Variants in TRIP11 observed in about 807,000 individuals in gnomAD.
TRIP11 encodes thyroid hormone receptor interactor 11, also known as thyroid receptor-interacting protein 11.
In TRIP11, 148 loss-of-function variants were observed where a neutral mutation model predicts 223.1. That is an observed-to-expected ratio of 0.66 (90% CI 0.58 to 0.76). The LOEUF (loss-of-function observed/expected upper bound fraction) is 0.76. Ranked by LOEUF, TRIP11 falls within the 30% of genes least tolerant of loss-of-function variation. The probability of loss-of-function intolerance (pLI) is 0.00; values close to 1 mark genes in which losing one functional copy is unlikely to be tolerated. For missense variants in TRIP11, 2,043 were observed against 2,222.0 expected (o/e 0.92, Z 1.62); for synonymous variants, 762 against 772.6 (o/e 0.99, Z 0.23).
intron 9 of TRIP11, 23 bp downstream of exon 9, chr14:92,010,963 G>A (rs764144180): frequency 6.2e-7 from 1 of 1,606,152 alleles, no homozygotes; most frequent in South Asian, 1.1e-5. Flanking sequence ...TTTTAATTCT[G>A]CCCCCATTTT....
chr14:92,013,814 A>C (rs1334347638), intron 7 of TRIP11, among the ~76,000 whole-genome samples: 3 of 152,232 alleles, frequency 2.0e-5, no homozygotes, highest in Non-Finnish European at 4.4e-5. Context: ...TCTGTAACAC[A>C]GAATACTGGT....
At chr14:91,996,162 C>T (rs2056748487) in intron 13 of TRIP11, among the ~76,000 whole-genome samples, 1 of 152,196 alleles carries the variant, frequency 6.6e-6, no homozygotes. Context: ...ATTCCCCTTT[C>T]CCTTGAAAAC....
At chr14:91,981,392 TTTG>T (rs139777725) in intron 16 of TRIP11, among the ~76,000 whole-genome samples, 23,906 of 151,654 alleles carry the variant, frequency 0.16, 2,478 homozygotes, top group African/African-American at 0.3. Flanking sequence ...TTTTGTCTTT[TTTG>T]TTGTTGTTTT....
At chr14:92,010,167 T>G (rs1401849292) in intron 9 of TRIP11, among the ~76,000 whole-genome samples, 1 of 152,244 alleles carries the variant, frequency 6.6e-6, no homozygotes, top group African/African-American at 2.4e-5. Flanking sequence ...ATCTTATTCC[T>G]TCCTTGCTAT....
chr14:92,014,243 T>C lies in TRIP11; in HGVS notation c.1158A>G (p.Glu386=). ...RILAQSASVE[E]VFRLQQALSD... ...ACAGTGCTTGTTGTAGTCTGAACACTTCTTCCACTGATGCACTCTGGGCAA... is the reference window on the plus strand; with the variant it reads ...ACAGTGCTTGTTGTAGTCTGAACACCTCTTCCACTGATGCACTCTGGGCAA... Residue 386 remains glutamate (E), a synonymous_variant, in exon 7 of 21, where the codon GAA becomes GAG. Transcript: ENST00000267622. The C allele has an allele frequency of 6.2e-7, 1 of 1,614,070 alleles. No individual in the cohort carries two copies. The highest frequency in any genetic ancestry group is 8.5e-7 in the Non-Finnish European group (1 of 1,179,988).
chr14:92,002,034 T>C (rs968769426), intron 11 of TRIP11, among the ~76,000 whole-genome samples: 2 of 152,214 alleles, frequency 1.3e-5, no homozygotes, highest in Non-Finnish European at 2.9e-5. Flanking sequence ...TGGCAGCAAG[T>C]AATGCTCAAG....
In TRIP11 at chr14:92,000,034, C is replaced by T; in HGVS notation, c.4632G>A (p.Gln1544=). 1 of 1,613,938 alleles carries T rather than the reference C, an allele frequency of 6.2e-7. No individual in the cohort carries two copies. Among genetic ancestry groups the T allele is most frequent in the Non-Finnish European group, 8.5e-7 (1 of 1,179,938 alleles). ...GGGCCAACATGACTTGGTCTCTCTC[C>T]TGTTGAAACACAACTGTCTTCTCCT... ...SMQEKTVVFQ[Q]ERDQVMLALK... The change falls in exon 12 of 21, where the codon CAG becomes CAA. Residue 1544 remains glutamine, a synonymous_variant. Transcript: ENST00000267622.
chr14:92,011,061 A>G lies in TRIP11; in HGVS notation c.1239T>C (p.Leu413=), dbSNP rs752708867. Residue 413 remains leucine (L), a synonymous_variant, in exon 9 of 21, where the codon CTT becomes CTC. Coordinates refer to ENST00000267622, the MANE Select transcript of TRIP11 (RefSeq NM_004239.4). The part of the protein sequence containing the change: ...RLSSLNQDNS[L]AEDNLKLKMR... ...TTTTAAGTTTCAGATTGTCTTCAGC[A>G]AGACTGTTATCCTACAAAAATGTTA... 4.3e-6 allele frequency: 7 copies of G among 1,614,046 alleles called. No individual in the cohort carries two copies. The highest frequency in any genetic ancestry group is 5.9e-6 in the Non-Finnish European group (7 of 1,179,960).
chr14:92,021,674 A>G lies in TRIP11; in HGVS notation c.470T>C (p.Phe157Ser). The G allele has an allele frequency of 6.2e-7, 1 of 1,614,204 alleles. No individual in the cohort carries two copies. Among genetic ancestry groups the G allele is most frequent in the Non-Finnish European group, 8.5e-7 (1 of 1,180,032 alleles). Residue 157 changes from phenylalanine to serine, a missense_variant, in exon 4 of 21, where the codon TTC becomes TCC. Physicochemically the swap from Phe to Ser is radical, Grantham distance 155. Transcript: ENST00000267622. ...AYGISHHPSAFHDDDMDFGDI... is the reference protein window; with the variant it reads ...AYGISHHPSASHDDDMDFGDI... ...ACCAAAGTCCATGTCATCGTCATGGAAAGCTGAAGGATGATGACTAATCCC... is the reference window on the plus strand; with the variant it reads ...ACCAAAGTCCATGTCATCGTCATGGGAAGCTGAAGGATGATGACTAATCCC...
chr14:92,008,338 G>GCC (rs2056930603), intron 9 of TRIP11, among the ~76,000 whole-genome samples: 1 of 152,122 alleles, frequency 6.6e-6, no homozygotes. Flanking sequence ...CAAATGTTTA[G>GCC]CCTCTCTAAT....
intron 4 of TRIP11, among the ~76,000 whole-genome samples, chr14:92,018,690 T>C (rs931299453): frequency 6.6e-6 from 1 of 152,154 alleles, no homozygotes; most frequent in Non-Finnish European, 1.5e-5. Flanking sequence ...CTGGGCACAG[T>C]GGCTCATGCC....
chr14:92,021,877 T>C, intron 3 of TRIP11, 46 bp from the exon 4 acceptor site: 1 of 1,587,586 alleles, frequency 6.3e-7, no homozygotes, highest in Non-Finnish European at 8.6e-7. Flanking sequence ...TTTAAAACAA[T>C]CATATTGACT....
rs149902706 is a variant in TRIP11, at chr14:92,005,620, C to G, written c.2356G>C (p.Asp786His). ...AELKKNIEQM[D>H]TDHKETKDVL... ...TCCTTAGTTTCTTTATGGTCAGTAT[C>G]CATTTGTTCAATATTCTTTTTGAGT... Residue 786 changes from aspartate to histidine, a missense_variant, in exon 11 of 21, where the codon GAT becomes CAT. Physicochemically the swap from Asp to His is moderately conservative, Grantham distance 81. Transcript: ENST00000267622. 41 of 1,613,820 alleles carry G rather than the reference C, an allele frequency of 2.5e-5. No individual in the cohort carries two copies. Among genetic ancestry groups the G allele is most frequent in the Non-Finnish European group, 2.9e-5 (34 of 1,180,022 alleles).
chr14:92,031,001 G>A (rs1438153652), intron 2 of TRIP11, among the ~76,000 whole-genome samples: 1 of 151,830 alleles, frequency 6.6e-6, no homozygotes, highest in African/African-American at 2.4e-5. Flanking sequence ...TGTAATCCCA[G>A]CACTTTCAGA....
chr14:91,973,349 G>A (rs903024153), intron 19 of TRIP11, among the ~76,000 whole-genome samples: 1 of 152,042 alleles, frequency 6.6e-6, no homozygotes, highest in African/African-American at 2.4e-5. Flanking sequence ...TTAGATAGAT[G>A]ATCATCATTA....
intron 1 of TRIP11, among the ~76,000 whole-genome samples, chr14:92,034,296 G>A (rs1296302939): frequency 6.6e-6 from 1 of 152,100 alleles, no homozygotes; most frequent in African/African-American, 2.4e-5. Flanking sequence ...GGTGGCACAC[G>A]CCTGTAATCC....
chr14:92,026,613 C>T (rs1225593973), intron 2 of TRIP11: 2 of 1,247,340 alleles, frequency 1.6e-6, no homozygotes, highest in Non-Finnish European at 2.3e-6. Flanking sequence ...CCACCAAGGA[C>T]TTAAAGGAGA....
At chr14:92,024,935 TATC>T (rs1346370781) in intron 3 of TRIP11, among the ~76,000 whole-genome samples, 1 of 152,132 alleles carries the variant, frequency 6.6e-6, no homozygotes, top group Admixed American at 6.5e-5. Flanking sequence ...ATATGTAAAT[TATC>T]ATATATTTAA....
chr14:91,975,403 T>G, intron 17 of TRIP11, 117 bp from the exon 18 acceptor site: 1 of 562,932 alleles, frequency 1.8e-6, no homozygotes, highest in East Asian at 3.6e-5. Context: ...TAAAAAAGTC[T>G]AAACAAAATA....
Sources: gnomAD v4.1 joint callset for allele counts (sites outside exome capture counted in the v4.1 genomes callset) on GRCh38, gnomAD v4.1.1 for gene constraint, MANE v1.5 for transcripts, NCBI Gene and HGNC (gene_info 2026-07-23, HGNC 2026-07-21) for gene names.